Variants in MRM2 observed in about 807,000 individuals in gnomAD.
MRM2 encodes the protein rRNA methyltransferase 2, mitochondrial.
A neutral mutation model predicts 10.9 loss-of-function variants in MRM2; 15 were observed. That is an observed-to-expected ratio of 1.37 (90% CI 0.92 to 2.11). The LOEUF is 2.11. Ranked by LOEUF, MRM2 falls within the 30% of genes most tolerant of loss-of-function variation. MRM2 has a pLI of 0.00. For synonymous variants in MRM2, 139 were observed against 128.7 expected, an observed-to-expected ratio of 1.08 and a Z score of -0.54; for missense variants, 328 against 321.3, an observed-to-expected ratio of 1.02 and a Z score of -0.16.
At chr7:2,235,953 G>C (rs904022249) in intron 2 of MRM2, among the ~76,000 whole-genome samples, 1 of 152,230 alleles carries the variant, frequency 6.6e-6, no homozygotes, top group Non-Finnish European at 1.5e-5. Flanking sequence ...AAATAGGCCA[G>C]TCCCAGTGGC....
intron 2 of MRM2, 66 bp downstream of exon 2, chr7:2,239,352 C>A: frequency 6.6e-7 from 1 of 1,504,038 alleles, no homozygotes. Context: ...CTGGCAAAGG[C>A]AGCTTGCCCA....
In MRM2 at chr7:2,234,929, T is replaced by C. The variant is rs1375917991; in HGVS notation, c.*193A>G. On this transcript the variant is annotated 3_prime_UTR_variant, in exon 3 of 3. Coordinates refer to ENST00000242257, the MANE Select transcript of MRM2 (RefSeq NM_013393.3). ...ATATAGCGGACTTTTTCATTTTCCA[T>C]GGCCCCTGAACTTAGTTTTGTCATC... 2 of 585,172 alleles carry C rather than the reference T, an allele frequency of 3.4e-6. No homozygotes were observed. The highest frequency in any genetic ancestry group is 2.2e-5 in the South Asian group (1 of 46,286). 36.2% of individuals were successfully genotyped at this position (585,172 alleles called of 1,614,324 possible).
rs1326317436 is a variant in MRM2, at chr7:2,235,508, G to C, written c.355C>G (p.Leu119Val). The C allele has an allele frequency of 1.2e-6, 2 of 1,613,500 alleles. No homozygotes were observed. Among genetic ancestry groups the C allele is most frequent in the South Asian group, 1.1e-5 (1 of 91,078 alleles). Residue 119 changes from leucine (L) to valine (V), a missense_variant, in exon 3 of 3, where the codon CTG becomes GTG. By Grantham distance (32) the Leu-to-Val change is conservative. Coordinates refer to ENST00000242257, the MANE Select transcript of MRM2 (RefSeq NM_013393.3). ...GGGCACAGAAAAGTTGCTCCTTCCA[G>C]GGGGAATATGTGAAGAAGATCTACC... Reference protein sequence around the residue: ...LGVDLLHIFPLEGATFLCPAD... With the variant: ...LGVDLLHIFPVEGATFLCPAD...
At chr7:2,242,066 C>A in intron 1 of MRM2, 96 bp downstream of exon 1, 1 of 1,326,990 alleles carries the variant, frequency 7.5e-7, no homozygotes, top group Non-Finnish European at 1.0e-6. Flanking sequence ...GCCCAGCGCT[C>A]GGCACCCAGC....
chr7:2,239,454 G>C lies in MRM2; in HGVS notation c.262C>G (p.Gln88Glu). ...DCGAAPGAWSQVAVQKVNAAG... is the reference protein window; with the variant it reads ...DCGAAPGAWSEVAVQKVNAAG... ...GCGTTGACCTTCTGCACCGCCACCT[G>C]ACTCCAGGCCCCAGGAGCTGCCCCA... The change falls in exon 2 of 3, where the codon CAG (glutamine) becomes GAG (glutamate). Residue 88 changes from glutamine to glutamate, a missense_variant. Coordinates refer to ENST00000242257, the MANE Select transcript of MRM2 (RefSeq NM_013393.3). 6.2e-7 allele frequency: 1 copy of C among 1,612,564 alleles called. No homozygotes were observed. The highest frequency in any genetic ancestry group is 1.7e-5 in the Admixed American group (1 of 59,974).
intron 2 of MRM2, chr7:2,238,233 G>GA (rs34703770): frequency 2.1e-4 from 32 of 152,330 alleles, no homozygotes; most frequent in African/African-American, 7.7e-4. Context: ...TTTACAGCAG[G>GA]AAACATAAAT....
At chr7:2,239,808 G>A in intron 1 of MRM2, 101 bp from the exon 2 acceptor site, 2 of 1,077,270 alleles carry the variant, frequency 1.9e-6, no homozygotes, top group Non-Finnish European at 2.7e-6. Context: ...CTAGAGATGG[G>A]GCACCAAGGC....
intron 2 of MRM2, among the ~76,000 whole-genome samples, chr7:2,237,504 G>C (rs1794438588): frequency 6.6e-6 from 1 of 152,144 alleles, no homozygotes; most frequent in African/African-American, 2.4e-5. Context: ...TTCATCTCAA[G>C]AGCACTTAGG....
chr7:2,239,634 T>C lies in MRM2; in HGVS notation c.82A>G (p.Thr28Ala). ...HTVGSRCKNR[T>A]GAEHLWLTRH... Reference sequence around the variant, plus strand: ...GTCAGCCACAGGTGCTCAGCGCCTGTCCGATTCTTGCAGCGACTCCCAACA... The same window carrying C: ...GTCAGCCACAGGTGCTCAGCGCCTGCCCGATTCTTGCAGCGACTCCCAACA... Residue 28 changes from threonine to alanine, a missense_variant, in exon 2 of 3, where the codon ACA (threonine) becomes GCA (alanine). Thr to Ala is a moderately conservative substitution (Grantham distance 58). Coordinates refer to ENST00000242257, the MANE Select transcript of MRM2 (RefSeq NM_013393.3). The C allele has an allele frequency of 6.2e-7, 1 of 1,614,058 alleles. No homozygotes were observed. Among genetic ancestry groups the C allele is most frequent in the Non-Finnish European group, 8.5e-7 (1 of 1,180,020 alleles).
chr7:2,236,143 TCG>T (rs1794415527), intron 2 of MRM2, among the ~76,000 whole-genome samples: 1 of 152,058 alleles, frequency 6.6e-6, no homozygotes, highest in Admixed American at 6.6e-5. Flanking sequence ...GATAGGAGAA[TCG>T]CTTGAACCCG....
At chr7:2,239,835 A>G in intron 1 of MRM2, 128 bp from the exon 2 acceptor site, 2 of 810,524 alleles carry the variant, frequency 2.5e-6, no homozygotes, top group East Asian at 2.6e-5. Context: ...GGGGAGGTGA[A>G]CTGATAAGGC....
At chr7:2,239,889 G>A (rs991965339) in intron 1 of MRM2, among the ~76,000 whole-genome samples, 182 bp from the exon 2 acceptor site, 15 of 152,152 alleles carry the variant, frequency 9.9e-5, no homozygotes, top group Admixed American at 2.0e-4. Flanking sequence ...CTGTGTCCCC[G>A]CAAAATTAAT....
chr7:2,237,267 G>A (rs945434727), intron 2 of MRM2, among the ~76,000 whole-genome samples: 4 of 152,166 alleles, frequency 2.6e-5, no homozygotes, highest in Non-Finnish European at 5.9e-5. Flanking sequence ...CAAAGTACTG[G>A]GATTACAGGT....
intron 1 of MRM2, chr7:2,241,826 G>A (rs1794548974): frequency 2.9e-6 from 1 of 340,564 alleles, no homozygotes; most frequent in Non-Finnish European, 5.3e-6. Flanking sequence ...AGGAAGCGCG[G>A]GCAATGGAGC....
At chr7:2,239,036 ATATG>A (rs1399672253) in intron 2 of MRM2, 2 of 374,448 alleles carry the variant, frequency 5.3e-6, no homozygotes, top group East Asian at 9.4e-5. Flanking sequence ...TATAATACAT[ATATG>A]TATGTATCAT....
chr7:2,234,861 T>A lies in MRM2; in HGVS notation c.*261A>T. Reference sequence around the variant, plus strand: ...CAGTCTGTTTTTCTCCATCCTTCCATCCTCACCTCTTTCTCTTGATAACTT... The same window carrying A: ...CAGTCTGTTTTTCTCCATCCTTCCAACCTCACCTCTTTCTCTTGATAACTT... On this transcript the variant is annotated 3_prime_UTR_variant, in exon 3 of 3. Coordinates refer to ENST00000242257, the MANE Select transcript of MRM2 (RefSeq NM_013393.3). 2.0e-6 allele frequency: 1 copy of A among 490,010 alleles called. No individual in the cohort carries two copies. The highest frequency in any genetic ancestry group is 3.7e-6 in the Non-Finnish European group (1 of 273,620). 30.4% of individuals were successfully genotyped at this position (490,010 alleles called of 1,614,324 possible).
intron 2 of MRM2, 98 bp downstream of exon 2, chr7:2,239,319 AG>A: frequency 8.3e-7 from 1 of 1,199,064 alleles, no homozygotes; most frequent in Non-Finnish European, 1.2e-6. Flanking sequence ...CCTTCAAAAA[AG>A]GGCTCCACCA....
At chr7:2,236,524 A>G (rs1398086699) in intron 2 of MRM2, among the ~76,000 whole-genome samples, 1 of 152,180 alleles carries the variant, frequency 6.6e-6, no homozygotes, top group Non-Finnish European at 1.5e-5. Flanking sequence ...TCCTGTCTCT[A>G]CAAAAAAATA....
At position 2,239,386 on chromosome 7, in the gene MRM2, C is replaced by G. The variant is rs745445101; in HGVS notation, c.298+32G>C. ...CATGCCCACTCAGCCTCAGGGGAGC[C>G]AGAAGGTGCCAACAGCAGTGCAGAG... On this transcript the variant is annotated intron_variant, in intron 2 of 2. Transcript: ENST00000242257. 3 of 1,578,802 alleles carry G rather than the reference C, an allele frequency of 1.9e-6. No homozygotes were observed. In the East Asian group the frequency reaches 6.8e-5, roughly 36 times the overall value.
Sources: gnomAD v4.1 joint callset for allele counts (sites outside exome capture counted in the v4.1 genomes callset) on GRCh38, gnomAD v4.1.1 for gene constraint, MANE v1.5 for transcripts, NCBI Gene and HGNC (gene_info 2026-07-23, HGNC 2026-07-21) for gene names.